Variants in P2RY12 observed in about 807,000 individuals in gnomAD.
P2RY12 encodes P2Y purinoceptor 12.
Under a neutral mutation model 4.5 loss-of-function variants are expected in P2RY12, and 3 were observed. The ratio of observed to expected loss-of-function variants is 0.67; its 90% CI spans 0.31 to 1.74. The LOEUF is 1.74. Ranked by LOEUF, P2RY12 falls within the 40% of genes most tolerant of loss-of-function variation. The pLI, the probability that P2RY12 is intolerant of heterozygous loss-of-function variation, is 0.09. For synonymous variants in P2RY12, 148 were observed against 154.1 expected (o/e 0.96, Z 0.29); for missense variants, 356 against 407.8 (o/e 0.87, Z 1.09).
intron 1 of P2RY12, chr3:151,383,963 TCTG>T (rs1293836216): frequency 6.1e-6 from 9 of 1,480,392 alleles, no homozygotes; most frequent in Non-Finnish European, 7.4e-6. Flanking sequence ...GATGGCGATT[TCTG>T]CCACATCTTA....
At chr3:151,358,310 T>G (rs933453977) in intron 1 of P2RY12, among the ~76,000 whole-genome samples, 1 of 152,092 alleles carries the variant, frequency 6.6e-6, no homozygotes, top group Non-Finnish European at 1.5e-5. Flanking sequence ...AGAGAATTAT[T>G]TAATAACTCA....
chr3:151,380,176 T>C (rs879594241), intron 1 of P2RY12: 94 of 1,610,688 alleles, frequency 5.8e-5, no homozygotes, highest in Non-Finnish European at 7.7e-5. Context: ...AGGGACAAGA[T>C]GAACAAAGGG....
At chr3:151,382,846 G>C in intron 1 of P2RY12, 1 of 847,496 alleles carries the variant, frequency 1.2e-6, no homozygotes, top group Non-Finnish European at 1.9e-6. Flanking sequence ...GCATTACAAG[G>C]TGAGGCCTTC....
chr3:151,367,503 CATG>C (rs1456560593), intron 1 of P2RY12: 1 of 640,004 alleles, frequency 1.6e-6, no homozygotes, highest in East Asian at 3.0e-5. Flanking sequence ...GGATAATCAT[CATG>C]ATATGTTATC....
chr3:151,368,219 C>T, intron 1 of P2RY12: 3 of 1,614,088 alleles, frequency 1.9e-6, no homozygotes, highest in Non-Finnish European at 2.5e-6. Flanking sequence ...CTCTTCCGAG[C>T]TCCCCAGGCC....
At chr3:151,339,588 T>G (rs377434894) in intron 2 of P2RY12, among the ~76,000 whole-genome samples, 7 of 152,230 alleles carry the variant, frequency 4.6e-5, no homozygotes, top group African/African-American at 1.7e-4. Context: ...CTCAGTGTTT[T>G]GAAGTTGCTG....
At chr3:151,362,010 G>A (rs1365609827) in intron 1 of P2RY12, among the ~76,000 whole-genome samples, 2 of 152,092 alleles carry the variant, frequency 1.3e-5, no homozygotes, top group African/African-American at 2.4e-5. Flanking sequence ...AATCCAGAAG[G>A]AGGTAGGGAA....
At chr3:151,356,646 T>C (rs1419711416) in intron 1 of P2RY12, among the ~76,000 whole-genome samples, 3 of 152,112 alleles carry the variant, frequency 2.0e-5, no homozygotes, top group South Asian at 2.1e-4. Context: ...GTTGTTGTTG[T>C]TTTTCTTTTG....
At chr3:151,355,049 AAAAG>A (rs1753739275) in intron 1 of P2RY12, 13 of 1,098,970 alleles carry the variant, frequency 1.2e-5, no homozygotes, top group Non-Finnish European at 1.4e-5. Flanking sequence ...TACTTTAAAA[AAAAG>A]TATCCATTAA....
At chr3:151,366,630 T>G (rs2107930645) in intron 1 of P2RY12, among the ~76,000 whole-genome samples, 1 of 152,340 alleles carries the variant, frequency 6.6e-6, no homozygotes, top group South Asian at 2.1e-4. Flanking sequence ...GTAGTCTTTG[T>G]CGTACACTAG....
intron 1 of P2RY12, among the ~76,000 whole-genome samples, chr3:151,343,453 A>ATGTT (rs1752129081): frequency 6.6e-6 from 1 of 152,218 alleles, no homozygotes; most frequent in African/African-American, 2.4e-5. Context: ...ACCTATTTAC[A>ATGTT]AACCACCTCT....
chr3:151,368,150 C>G, intron 1 of P2RY12: 1 of 1,613,504 alleles, frequency 6.2e-7, no homozygotes, highest in Non-Finnish European at 8.5e-7. Flanking sequence ...CCTTTCCTAG[C>G]TTGTGGGGAT....
At chr3:151,376,195 A>C (rs1756830260) in intron 1 of P2RY12, 1 of 1,589,310 alleles carries the variant, frequency 6.3e-7, no homozygotes, top group Non-Finnish European at 8.5e-7. Context: ...CAAAGACAGC[A>C]CATTAAGCGT....
intron 1 of P2RY12, among the ~76,000 whole-genome samples, chr3:151,353,437 A>G (rs1480952035): frequency 6.6e-6 from 1 of 152,246 alleles, no homozygotes; most frequent in East Asian, 1.9e-4. Flanking sequence ...TGAATTTGTT[A>G]GTTCCTAATC....
intron 1 of P2RY12, among the ~76,000 whole-genome samples, chr3:151,364,029 C>A (rs1754968515): frequency 6.6e-6 from 1 of 152,072 alleles, no homozygotes; most frequent in South Asian, 2.1e-4. Flanking sequence ...TAGGTCACCA[C>A]AAACCACAAA....
intron 1 of P2RY12, chr3:151,366,094 T>C: frequency 9.9e-7 from 1 of 1,006,006 alleles, no homozygotes; most frequent in Non-Finnish European, 1.4e-6. Context: ...TCAACTGAAA[T>C]GTTATAAAAT....
chr3:151,374,503 G>A (rs191289595), intron 1 of P2RY12, among the ~76,000 whole-genome samples: 101 of 152,262 alleles, frequency 6.6e-4, no homozygotes, highest in African/African-American at 2.2e-3. Context: ...AGCCGAGATT[G>A]CGCCACTGCA....
chr3:151,342,074 A>G lies in P2RY12; in HGVS notation c.-179-1314T>C, dbSNP rs571724927. Among the ~76,000 whole-genome samples the G allele has an allele frequency of 1.2e-4, 19 of 152,302 alleles. No homozygotes were observed. In the South Asian group the frequency reaches 3.7e-3, roughly 30 times the overall value. ...TGTCTTTATAGCAGCATGACTTATA[A>G]TCCTTTGGGTATATACCCAGTAATG... On this transcript the variant is annotated intron_variant, in intron 1 of 2. Coordinates refer to ENST00000302632, the MANE Select transcript of P2RY12 (RefSeq NM_022788.5).
At chr3:151,352,598 A>T (rs999872366) in intron 1 of P2RY12, among the ~76,000 whole-genome samples, 1 of 151,814 alleles carries the variant, frequency 6.6e-6, no homozygotes, top group Non-Finnish European at 1.5e-5. Flanking sequence ...GTTAGCATGT[A>T]TTTGATTTCT....
Sources: gnomAD v4.1 joint callset for allele counts (sites outside exome capture counted in the v4.1 genomes callset) on GRCh38, gnomAD v4.1.1 for gene constraint, MANE v1.5 for transcripts, NCBI Gene and HGNC (gene_info 2026-07-23, HGNC 2026-07-21) for gene names.